NEK1: variants seen among roughly 807,000 people sequenced by gnomAD.
NEK1 encodes the protein NIMA related kinase 1.
NEK1 carries 137 observed loss-of-function variants against 182.1 expected under a neutral mutation model. The ratio of observed to expected loss-of-function variants is 0.75; its 90% CI spans 0.65 to 0.87. The LOEUF is 0.87. Ranked by LOEUF, NEK1 falls within the 40% of genes least tolerant of loss-of-function variation. NEK1 has a pLI of 0.00. For missense variants in NEK1, 1,391 were observed against 1,494.4 expected, an observed-to-expected ratio of 0.93 and a Z score of 1.14; for synonymous variants, 513 against 492.2, an observed-to-expected ratio of 1.04 and a Z score of -0.56.
intron 27 of NEK1, among the ~76,000 whole-genome samples, chr4:169,439,065 TTC>T: frequency 6.6e-6 from 1 of 152,218 alleles, no homozygotes. Context: ...CTGCTACATT[TTC>T]TGTCATCTCC....
rs1772467714 is a variant in NEK1 at position 169,612,415 on chromosome 4, CG to C, written c.-367del. The C allele has an allele frequency of 6.6e-6, 1 of 152,164 alleles. No homozygotes were observed. Among genetic ancestry groups the C allele is most frequent in the Non-Finnish European group, 1.5e-5 (1 of 68,122 alleles). 9.4% of individuals were successfully genotyped at this position (152,164 alleles called of 1,614,324 possible). A position where few individuals can be genotyped will look rare whatever the true frequency, so the allele number is the denominator to read the frequency against. On this transcript the variant is annotated 5_prime_UTR_variant, in exon 1 of 36. Coordinates refer to ENST00000507142, the MANE Select transcript of NEK1 (RefSeq NM_001199397.3). The stretch of plus-strand genomic sequence containing the variant: ...TCACAGAGGTCGTTGCTAGTGGCCA[CG>C]GCGGGGTGGGGACGGGCGGCGTTCG...
chr4:169,464,539 G>C (rs1001731524), intron 26 of NEK1, among the ~76,000 whole-genome samples: 1 of 152,044 alleles, frequency 6.6e-6, no homozygotes, highest in Non-Finnish European at 1.5e-5. Flanking sequence ...TCAGATGTGG[G>C]GGTGTCACAC....
chr4:169,522,035 A>G (rs959992592), intron 19 of NEK1, among the ~76,000 whole-genome samples: 9 of 152,166 alleles, frequency 5.9e-5, no homozygotes, highest in Admixed American at 4.6e-4. Flanking sequence ...GTATTGTCCT[A>G]TAAATTCTTG....
chr4:169,594,769 C>T (rs1160245477), intron 5 of NEK1, among the ~76,000 whole-genome samples: 2 of 152,178 alleles, frequency 1.3e-5, no homozygotes, highest in East Asian at 3.8e-4. Flanking sequence ...TAAAAAGATG[C>T]TCAGTCTTTC....
chr4:169,462,388 G>A (rs913555743), intron 27 of NEK1, among the ~76,000 whole-genome samples: 8 of 152,094 alleles, frequency 5.3e-5, no homozygotes, highest in Admixed American at 1.3e-4. Flanking sequence ...CTTTTTTGCA[G>A]ATGACTGTAT....
At chr4:169,540,335 G>C (rs1016543624) in intron 18 of NEK1, among the ~76,000 whole-genome samples, 14 of 152,036 alleles carry the variant, frequency 9.2e-5, no homozygotes, top group African/African-American at 3.1e-4. Context: ...TAGAATAAAA[G>C]ACAAAATCAA....
At chr4:169,415,152 A>G (rs1734329867) in intron 31 of NEK1, among the ~76,000 whole-genome samples, 1 of 152,270 alleles carries the variant, frequency 6.6e-6, no homozygotes, top group South Asian at 2.1e-4. Context: ...TTGGTAATCT[A>G]GAATCTGTCC....
At chr4:169,513,264 C>T (rs1392803730) in intron 19 of NEK1, among the ~76,000 whole-genome samples, 1 of 152,016 alleles carries the variant, frequency 6.6e-6, no homozygotes, top group African/African-American at 2.4e-5. Flanking sequence ...ATTTTTTTCA[C>T]CAGCATTTTG....
chr4:169,395,291 C>T (rs371592215), intron 35 of NEK1, among the ~76,000 whole-genome samples: 2 of 152,168 alleles, frequency 1.3e-5, no homozygotes, highest in African/African-American at 4.8e-5. Flanking sequence ...ATGGAATCCA[C>T]GCTCCTTAAC....
intron 19 of NEK1, among the ~76,000 whole-genome samples, chr4:169,518,412 C>T (rs1038274307): frequency 9.3e-5 from 13 of 140,484 alleles, no homozygotes; most frequent in Non-Finnish European, 1.6e-4. Flanking sequence ...CTTTATTAGT[C>T]TTAATAGCGG....
At chr4:169,603,510 C>T (rs541649340) in intron 2 of NEK1, among the ~76,000 whole-genome samples, 1 of 152,194 alleles carries the variant, frequency 6.6e-6, no homozygotes, top group South Asian at 2.1e-4. Flanking sequence ...AACCATAGTA[C>T]ATATTTACAG....
At chr4:169,487,950 T>C (rs961847948) in intron 23 of NEK1, among the ~76,000 whole-genome samples, 2 of 152,234 alleles carry the variant, frequency 1.3e-5, no homozygotes, top group African/African-American at 4.8e-5. Context: ...GTTGGCTGCA[T>C]GCATGTCTTC....
chr4:169,507,839 A>ATT, intron 21 of NEK1, 47 bp from the exon 22 acceptor site: 1 of 1,346,832 alleles, frequency 7.4e-7, no homozygotes, highest in Non-Finnish European at 1.1e-6. Flanking sequence ...GAATCATCAA[A>ATT]TTGAGTGCAG....
chr4:169,507,941 C>T (rs1580328332), intron 21 of NEK1, 149 bp from the exon 22 acceptor site: 3 of 669,120 alleles, frequency 4.5e-6, no homozygotes, highest in East Asian at 5.5e-5. Context: ...AAAGCTGCAA[C>T]TGAACTCTCC....
intron 26 of NEK1, among the ~76,000 whole-genome samples, chr4:169,467,735 T>C (rs1259430743): frequency 1.3e-5 from 2 of 151,856 alleles, no homozygotes; most frequent in African/African-American, 2.4e-5. Context: ...TAAATGTAAA[T>C]GATCTAAACA....
intron 10 of NEK1, among the ~76,000 whole-genome samples, chr4:169,584,914 A>G (rs1348491638): frequency 6.6e-6 from 1 of 152,042 alleles, no homozygotes; most frequent in Non-Finnish European, 1.5e-5. Context: ...GGCTGGGCGA[A>G]CTGGTTCACA....
chr4:169,542,566 G>A (rs1211890258), intron 18 of NEK1, among the ~76,000 whole-genome samples: 1 of 152,156 alleles, frequency 6.6e-6, no homozygotes, highest in Non-Finnish European at 1.5e-5. Context: ...AGATCCTTGA[G>A]GAATTGCCAC....
intron 27 of NEK1, among the ~76,000 whole-genome samples, chr4:169,446,506 T>C (rs1174662668): frequency 2.6e-5 from 4 of 152,016 alleles, no homozygotes; most frequent in Non-Finnish European, 5.9e-5. Flanking sequence ...CAGACACCGA[T>C]GAACACCCAT....
At chr4:169,405,175 CATCATAGA>C (rs963479496) in intron 32 of NEK1, among the ~76,000 whole-genome samples, 2 of 152,188 alleles carry the variant, frequency 1.3e-5, no homozygotes, top group Non-Finnish European at 2.9e-5. Flanking sequence ...GTTGTGCTAA[CATCATAGA>C]ATGTGCTTAC....
Sources: allele counts gnomAD v4.1 joint callset (sites outside exome capture counted in the v4.1 genomes callset), GRCh38; gene constraint gnomAD v4.1.1; transcripts MANE v1.5; gene names NCBI Gene and HGNC (gene_info 2026-07-23, HGNC 2026-07-21).